Variants in EPG5 observed in about 807,000 individuals in gnomAD.
The protein encoded by EPG5 is ectopic P granules protein 5 homolog.
EPG5 carries 159 observed loss-of-function variants against 302.7 expected under a neutral mutation model. The observed-to-expected ratio is 0.53, with a 90% CI of 0.46 to 0.60. The LOEUF is 0.60. Among genes scored for constraint, EPG5 ranks in the 20% least tolerant of loss-of-function variants. The pLI, the probability that EPG5 is intolerant of heterozygous loss-of-function variation, is 0.00. For synonymous variants in EPG5, 1,158 were observed against 1,136.8 expected (o/e 1.02, Z -0.37); for missense variants, 2,896 against 3,092.4 (o/e 0.94, Z 1.51).
the EPG5 span, among the ~76,000 whole-genome samples, chr18:45,814,982 C>T: frequency 1.4e-4 from 21 of 152,306 alleles, no homozygotes; most frequent in South Asian, 8.3e-4. Flanking sequence ...TATTTTCACC[C>T]TTCTCAGTGC....
chr18:45,859,297 C>A (rs2145203027), intron 40 of EPG5, among the ~76,000 whole-genome samples: 1 of 152,310 alleles, frequency 6.6e-6, no homozygotes, highest in Admixed American at 6.5e-5. Flanking sequence ...TTTGGAATAG[C>A]AGTGTTATCC....
At chr18:45,898,777 A>G (rs931528205) in intron 27 of EPG5, among the ~76,000 whole-genome samples, 2 of 152,330 alleles carry the variant, frequency 1.3e-5, no homozygotes, top group East Asian at 3.9e-4. Flanking sequence ...CCCCTAAATG[A>G]CATCATGGCC....
intron 10 of EPG5, among the ~76,000 whole-genome samples, chr18:45,937,680 T>C (rs2050570219): frequency 6.6e-6 from 1 of 152,194 alleles, no homozygotes; most frequent in Non-Finnish European, 1.5e-5. Context: ...GTGCTGGGAT[T>C]ACAGGCATGA....
chr18:45,841,717 AGTGG>A, the EPG5 span, among the ~76,000 whole-genome samples: 1 of 152,072 alleles, frequency 6.6e-6, no homozygotes, highest in East Asian at 1.9e-4. Context: ...AGGAGAAGAG[AGTGG>A]GGCGGGTGTG....
At chr18:45,842,440 TGTGA>T in the EPG5 span, 361 of 456,152 alleles carry the variant, frequency 7.9e-4, no homozygotes, top group African/African-American at 3.0e-3. Flanking sequence ...TGTGTGTGTG[TGTGA>T]GAGAGAGAGA....
intron 22 of EPG5, among the ~76,000 whole-genome samples, chr18:45,911,826 T>G (rs1196842104): frequency 6.6e-6 from 1 of 152,086 alleles, no homozygotes. Context: ...TGGATGGCTC[T>G]GGCTGGGTGG....
the EPG5 span, chr18:45,838,385 T>G: frequency 2.3e-6 from 1 of 437,016 alleles, no homozygotes; most frequent in Non-Finnish European, 4.0e-6. Context: ...CTCTCCACTC[T>G]AGCCCCCACC....
chr18:45,906,482 T>C (rs768393283), intron 24 of EPG5, among the ~76,000 whole-genome samples: 1 of 152,116 alleles, frequency 6.6e-6, no homozygotes, highest in Non-Finnish European at 1.5e-5. Context: ...TACTGGTCTT[T>C]CTGCCCATTA....
intron 1 of EPG5, among the ~76,000 whole-genome samples, chr18:45,961,253 A>G (rs1009853033): frequency 3.9e-5 from 6 of 152,344 alleles, no homozygotes; most frequent in Non-Finnish European, 8.8e-5. Context: ...GATTCTTTAA[A>G]GCACAAGTGG....
rs753266892 is a variant in EPG5, at chr18:45,928,866, T to C, written c.2553+3A>G. The stretch of plus-strand genomic sequence containing the variant: ...CAAAAACAAACAAAATCAGTGCTCT[T>C]ACCATTCCAACCTGGTCAATGGTCT... On this transcript the variant is annotated splice_donor_region_variant and intron_variant, in intron 13 of 43. Coordinates refer to ENST00000282041, the MANE Select transcript of EPG5 (RefSeq NM_020964.3). 1.2e-6 allele frequency: 2 copies of C among 1,608,170 alleles called. No individual in the cohort carries two copies. Among genetic ancestry groups the C allele is most frequent in the Non-Finnish European group, 8.5e-7 (1 of 1,178,666 alleles).
chr18:45,943,167 A>G lies in EPG5; in HGVS notation c.1937T>C (p.Met646Thr), dbSNP rs776655554. Residue 646 changes from methionine to threonine, a missense_variant, in exon 9 of 44, where the codon ATG (methionine) becomes ACG (threonine). Met to Thr is a moderately conservative substitution (Grantham distance 81). Transcript: ENST00000282041. ...YRQFVKRIGYMIRMTLGYVSD... is the reference protein window; with the variant it reads ...YRQFVKRIGYTIRMTLGYVSD... ...AGAGCAACAGCAGTATTACCTGATC[A>G]TATAACCAATTCGCTTCACAAACTG... The G allele has an allele frequency of 5.0e-6, 8 of 1,614,040 alleles. No individual in the cohort carries two copies. In the Admixed American group the frequency reaches 1.2e-4, roughly 24 times the overall value.
chr18:45,935,079 T>C, intron 10 of EPG5, 113 bp from the exon 11 acceptor site: 1 of 1,114,878 alleles, frequency 9.0e-7, no homozygotes, highest in Non-Finnish European at 1.3e-6. Flanking sequence ...CTATGATTTT[T>C]CTAATATGCT....
chr18:45,831,217 C>T, the EPG5 span, among the ~76,000 whole-genome samples: 13 of 152,204 alleles, frequency 8.5e-5, no homozygotes, highest in Non-Finnish European at 4.4e-5. Context: ...GCTACACTCG[C>T]CTGCTGCCGT....
chr18:45,934,998 A>C (rs370748827), intron 10 of EPG5, 32 bp from the exon 11 acceptor site: 19 of 1,576,316 alleles, frequency 1.2e-5, no homozygotes, highest in Non-Finnish European at 1.6e-5. Context: ...TTTATTTATT[A>C]ATCAGCTTCA....
chr18:45,950,969 GAA>G (rs1199557523), intron 4 of EPG5, 131 bp downstream of exon 4: 5 of 505,056 alleles, frequency 9.9e-6, no homozygotes, highest in African/African-American at 9.3e-5. Context: ...CATGATCAAA[GAA>G]AAGTCATTAA....
intron 3 of EPG5, among the ~76,000 whole-genome samples, chr18:45,952,093 T>C (rs143635261): frequency 4.6e-5 from 7 of 152,246 alleles, no homozygotes; most frequent in African/African-American, 1.4e-4. Flanking sequence ...TCAAAAACTA[T>C]ATTTGGACTC....
At chr18:45,917,859 T>C (rs1288696523) in intron 16 of EPG5, 40 bp from the exon 17 acceptor site, 5 of 1,608,458 alleles carry the variant, frequency 3.1e-6, no homozygotes, top group Non-Finnish European at 4.2e-6. Context: ...ACAAGGGAGC[T>C]GGTTCATAAA....
chr18:45,902,080 A>C (rs1336745862), intron 25 of EPG5, among the ~76,000 whole-genome samples: 1 of 152,248 alleles, frequency 6.6e-6, no homozygotes, highest in African/African-American at 2.4e-5. Flanking sequence ...CAAGTCAGTA[A>C]GTCAAGTCAA....
At chr18:45,861,499 T>A (rs980832147) in intron 39 of EPG5, among the ~76,000 whole-genome samples, 9 of 152,210 alleles carry the variant, frequency 5.9e-5, no homozygotes, top group Non-Finnish European at 1.3e-4. Context: ...CCGATGAAGA[T>A]CTTTCCAGAA....
Sources: gnomAD v4.1 joint callset for allele counts (sites outside exome capture counted in the v4.1 genomes callset) on GRCh38, gnomAD v4.1.1 for gene constraint, MANE v1.5 for transcripts, NCBI Gene and HGNC (gene_info 2026-07-23, HGNC 2026-07-21) for gene names.